The following CPA6 variants were observed in gnomAD, a reference collection of about 807,000 sequenced individuals.
The protein encoded by CPA6 is carboxypeptidase B.
A neutral mutation model predicts 63.3 loss-of-function variants in CPA6; 58 were observed. The observed-to-expected ratio is 0.92, with a 90% CI of 0.74 to 1.14. CPA6 has a LOEUF of 1.14. Among genes scored for constraint, CPA6 ranks in the 50% most tolerant of loss-of-function variants. CPA6 has a pLI of 0.00. For synonymous variants in CPA6, 185 were observed against 179.0 expected (o/e 1.03, Z -0.27); for missense variants, 565 against 526.6 (o/e 1.07, Z -0.71).
chr8:67,516,873 T>G lies in CPA6; in HGVS notation c.317+1050A>C, dbSNP rs557147584. On this transcript the variant is annotated intron_variant, in intron 3 of 10. Transcript: ENST00000297770. ...GTGCAGTGGCGCGATCTCAGCTCAC[T>G]GTAACCTCTGCCTCCGGGGTTCAAG... is the stretch of plus-strand genomic sequence containing the variant. Among the ~76,000 whole-genome samples, 11 of 152,266 alleles carry G rather than the reference T, an allele frequency of 7.2e-5. No homozygotes were observed. The East Asian group carries it at 1.7e-3, about 24-fold the overall frequency.
At chr8:67,661,680 C>T (rs1471171170) in intron 1 of CPA6, among the ~76,000 whole-genome samples, 1 of 152,134 alleles carries the variant, frequency 6.6e-6, no homozygotes, top group East Asian at 1.9e-4. Context: ...AAGTCAGTTC[C>T]ACAGCATATG....
intron 6 of CPA6, 22 bp downstream of exon 6, chr8:67,506,765 T>C (rs117142078): frequency 0.021 from 31,563 of 1,495,206 alleles, 407 homozygotes; most frequent in Middle Eastern, 0.027. Context: ...GAAATGGACA[T>C]TGTGTAAAGG....
At chr8:67,527,728 T>C (rs755159059) in intron 2 of CPA6, among the ~76,000 whole-genome samples, 1 of 152,252 alleles carries the variant, frequency 6.6e-6, no homozygotes, top group African/African-American at 2.4e-5. Context: ...TCAGTTATAT[T>C]AAACCAGATA....
rs1293385080 is a variant in CPA6 at position 67,666,979 on chromosome 8, C to T, written c.117-42728G>A. The stretch of plus-strand genomic sequence containing the variant: ...AGGTTTACATATCTGCATTCCTTTT[C>T]CTTTAGGACTCCTTAAATCATATAG... On this transcript the variant is annotated intron_variant, in intron 1 of 10. Coordinates refer to ENST00000297770, the MANE Select transcript of CPA6 (RefSeq NM_020361.5). 2.0e-5 allele frequency among the ~76,000 whole-genome samples: 3 copies of T among 152,116 alleles called. No homozygotes were observed. The East Asian group carries it at 5.8e-4, about 29-fold the overall frequency.
At chr8:67,651,452 T>A (rs1335293771) in intron 1 of CPA6, among the ~76,000 whole-genome samples, 1 of 152,140 alleles carries the variant, frequency 6.6e-6, no homozygotes, top group African/African-American at 2.4e-5. Context: ...TCCTTTTATT[T>A]ATTTATTTAT....
At chr8:67,520,042 G>A (rs966594) in intron 2 of CPA6, among the ~76,000 whole-genome samples, 2 of 151,560 alleles carry the variant, frequency 1.3e-5, no homozygotes, top group East Asian at 1.9e-4. Flanking sequence ...TTAGATTTTC[G>A]AATCCTTTAG....
At chr8:67,548,768 AT>A (rs1812878747) in intron 2 of CPA6, among the ~76,000 whole-genome samples, 1 of 152,110 alleles carries the variant, frequency 6.6e-6, no homozygotes, top group Non-Finnish European at 1.5e-5. Context: ...GTGGTAGGCA[AT>A]GTTTGAGGGA....
intron 8 of CPA6, among the ~76,000 whole-genome samples, chr8:67,476,712 T>G (rs1292518347): frequency 6.6e-6 from 1 of 152,216 alleles, no homozygotes; most frequent in African/African-American, 2.4e-5. Context: ...AGGAGTCAGA[T>G]TATGGTTAGA....
chr8:67,666,115 C>A (rs1816221103), intron 1 of CPA6, among the ~76,000 whole-genome samples: 1 of 152,224 alleles, frequency 6.6e-6, no homozygotes, highest in Non-Finnish European at 1.5e-5. Flanking sequence ...AGACTTCACT[C>A]ACCTGTAAAG....
At chr8:67,559,706 T>C (rs1449690756) in intron 2 of CPA6, among the ~76,000 whole-genome samples, 4 of 152,092 alleles carry the variant, frequency 2.6e-5, no homozygotes, top group African/African-American at 9.7e-5. Context: ...TGAACCTTAG[T>C]ATAAAACCTT....
At chr8:67,459,818 G>A (rs530115025) in intron 8 of CPA6, among the ~76,000 whole-genome samples, 10 of 152,252 alleles carry the variant, frequency 6.6e-5, no homozygotes, top group African/African-American at 2.4e-4. Flanking sequence ...GAATTCCAAT[G>A]TAAACTATGA....
intron 1 of CPA6, among the ~76,000 whole-genome samples, chr8:67,632,201 C>T (rs77660876): frequency 0.043 from 6,558 of 151,768 alleles, 177 homozygotes; most frequent in South Asian, 0.1. Context: ...GAGACAGTCT[C>T]GCTCTGTCAT....
intron 2 of CPA6, among the ~76,000 whole-genome samples, chr8:67,550,266 G>C (rs2380417): frequency 0.58 from 87,974 of 151,896 alleles, 27,622 homozygotes; most frequent in East Asian, 0.72. Flanking sequence ...TTGATGTTTA[G>C]CTCCCACTTA....
At chr8:67,726,925 T>C (rs1587732097) in intron 1 of CPA6, among the ~76,000 whole-genome samples, 2 of 152,224 alleles carry the variant, frequency 1.3e-5, no homozygotes, top group East Asian at 1.9e-4. Flanking sequence ...AGTTTGGCAC[T>C]GAGTGTTGTA....
intron 2 of CPA6, among the ~76,000 whole-genome samples, chr8:67,561,402 C>T (rs1428959105): frequency 6.6e-6 from 1 of 152,170 alleles, no homozygotes; most frequent in Non-Finnish European, 1.5e-5. Flanking sequence ...GAAACTCATG[C>T]TACTTGATTG....
chr8:67,672,960 G>A (rs2128994633), intron 1 of CPA6, among the ~76,000 whole-genome samples: 1 of 152,148 alleles, frequency 6.6e-6, no homozygotes, highest in East Asian at 1.9e-4. Context: ...AAAACTTACG[G>A]ATGATAGAAA....
At chr8:67,717,447 ACT>A (rs1318219622) in intron 1 of CPA6, among the ~76,000 whole-genome samples, 1 of 151,994 alleles carries the variant, frequency 6.6e-6, no homozygotes, top group Non-Finnish European at 1.5e-5. Context: ...TCAATCACAC[ACT>A]CTCTATAAAA....
intron 2 of CPA6, among the ~76,000 whole-genome samples, chr8:67,616,490 T>G (rs982406967): frequency 1.4e-5 from 2 of 145,822 alleles, no homozygotes; most frequent in Non-Finnish European, 3.0e-5. Flanking sequence ...TGGGATTTGG[T>G]GGCAAATTGA....
At position 67,506,878 on chromosome 8, in the gene CPA6, C is replaced by T. The variant is rs765453517; in HGVS notation, c.545G>A (p.Arg182Gln). ...RSLFILKLGR[R>Q]SRLKRAVWID... ...CCAAACAGCTCTTTTGAGTCGTGAT[C>T]GTCTGCCCAGCTGAAAACAAGAGCA... is the stretch of plus-strand genomic sequence containing the variant. Residue 182 changes from arginine to glutamine, a missense_variant, in exon 6 of 11, where the codon CGA becomes CAA. Physicochemically the swap from Arg to Gln is conservative, Grantham distance 43. Transcript: ENST00000297770. The T allele has an allele frequency of 1.3e-5, 21 of 1,612,756 alleles. No individual in the cohort carries two copies. The highest frequency in any genetic ancestry group is 3.3e-5 in the South Asian group (3 of 91,048).
Sources: allele counts gnomAD v4.1 joint callset (sites outside exome capture counted in the v4.1 genomes callset), GRCh38; gene constraint gnomAD v4.1.1; transcripts MANE v1.5; gene names NCBI Gene and HGNC (gene_info 2026-07-23, HGNC 2026-07-21).